RANBP2: variants seen among roughly 807,000 people sequenced by gnomAD.
The protein encoded by RANBP2 is E3 SUMO-protein ligase RanBP2.
Under a neutral mutation model 303.6 loss-of-function variants are expected in RANBP2, and 57 were observed. The ratio of observed to expected loss-of-function variants is 0.19; its 90% CI spans 0.15 to 0.23. RANBP2 has a LOEUF of 0.23. Among genes scored for constraint, RANBP2 ranks in the 10% least tolerant of loss-of-function variants. The pLI is 1.00. For missense variants in RANBP2, 3,138 were observed against 3,780.8 expected (o/e 0.83, Z 4.46); for synonymous variants, 1,167 against 1,301.5 (o/e 0.90, Z 2.23).
At position 108,772,511 on chromosome 2, in the gene RANBP2, C is replaced by A; in HGVS notation, c.8043C>A (p.Val2681=). ...EEDDEDFETA[V]KKLNGKLYLD... ...AAGATGAAGATTTCGAAACAGCTGT[C>A]AAGAAACTTAATGGAAAACTATATT... is the stretch of plus-strand genomic sequence containing the variant. The change falls in exon 22 of 29, where the codon GTC becomes GTA. Residue 2681 remains valine (V), a synonymous_variant. Coordinates refer to ENST00000283195, the MANE Select transcript of RANBP2 (RefSeq NM_006267.5). The A allele has an allele frequency of 1.2e-6, 2 of 1,613,404 alleles. No homozygotes were observed. Among genetic ancestry groups the A allele is most frequent in the South Asian group, 2.2e-5 (2 of 90,966 alleles).
the RANBP2 span, among the ~76,000 whole-genome samples, chr2:109,082,894 C>T: frequency 1.4e-5 from 2 of 147,178 alleles, no homozygotes; most frequent in Non-Finnish European, 3.0e-5. Context: ...GGCGCCATCT[C>T]AGCTCACTGC....
At chr2:109,047,747 T>C in the RANBP2 span, among the ~76,000 whole-genome samples, 2 of 152,012 alleles carry the variant, frequency 1.3e-5, no homozygotes, top group Non-Finnish European at 2.9e-5. Context: ...GAGGTGGAGG[T>C]GTAGTGAGCT....
the RANBP2 span, among the ~76,000 whole-genome samples, chr2:109,504,828 T>C: frequency 6.6e-6 from 1 of 151,816 alleles, no homozygotes; most frequent in African/African-American, 2.4e-5. Flanking sequence ...GATGGGAGAG[T>C]CGTGACATCA....
At chr2:109,443,873 A>G in the RANBP2 span, among the ~76,000 whole-genome samples, 5 of 152,274 alleles carry the variant, frequency 3.3e-5, no homozygotes, top group Non-Finnish European at 7.3e-5. Context: ...CATTAGAACA[A>G]CAGTATAATC....
the RANBP2 span, among the ~76,000 whole-genome samples, chr2:108,893,157 T>C: frequency 4.9e-3 from 747 of 152,328 alleles, 8 homozygotes; most frequent in African/African-American, 0.016. Context: ...TCATGCAAAC[T>C]GGGATTCTCA....
the RANBP2 span, among the ~76,000 whole-genome samples, chr2:109,655,521 G>C: frequency 2.0e-5 from 3 of 152,184 alleles, no homozygotes; most frequent in Non-Finnish European, 4.4e-5. Flanking sequence ...TGGAGGGGCA[G>C]AGACTGGGGA....
chr2:109,564,867 A>G, the RANBP2 span, among the ~76,000 whole-genome samples: 4 of 152,226 alleles, frequency 2.6e-5, no homozygotes, highest in Non-Finnish European at 5.9e-5. Context: ...CAGTTTACAA[A>G]CTATCCTGAA....
At chr2:109,286,405 C>T in the RANBP2 span, among the ~76,000 whole-genome samples, 2 of 152,300 alleles carry the variant, frequency 1.3e-5, no homozygotes, top group Admixed American at 6.5e-5. Flanking sequence ...AACCTGGAGG[C>T]CCAGAGGGGC....
chr2:109,570,684 G>A, the RANBP2 span, among the ~76,000 whole-genome samples: 2 of 152,006 alleles, frequency 1.3e-5, no homozygotes, highest in African/African-American at 4.8e-5. Context: ...ACCATGCCCA[G>A]CTAATTTTTT....
the RANBP2 span, among the ~76,000 whole-genome samples, chr2:109,644,179 C>T: frequency 4.6e-5 from 7 of 151,150 alleles, no homozygotes; most frequent in African/African-American, 9.7e-5. Flanking sequence ...TGGTGGTGCA[C>T]GCCTGTAGTC....
At chr2:109,520,053 CATG>C in the RANBP2 span, among the ~76,000 whole-genome samples, 3 of 152,158 alleles carry the variant, frequency 2.0e-5, no homozygotes, top group African/African-American at 4.8e-5. Flanking sequence ...TGCTTGTTAG[CATG>C]ATATCTGAGC....
the RANBP2 span, among the ~76,000 whole-genome samples, chr2:109,013,166 A>C: frequency 1.3e-5 from 2 of 152,146 alleles, no homozygotes; most frequent in East Asian, 3.9e-4. Flanking sequence ...TAATGACATC[A>C]ATTTCTCTCA....
the RANBP2 span, among the ~76,000 whole-genome samples, chr2:108,821,809 G>T: frequency 6.6e-6 from 1 of 151,864 alleles, no homozygotes; most frequent in African/African-American, 2.4e-5. Context: ...GCCGGGCGTA[G>T]TGGTGGGTGC....
chr2:109,542,699 G>C, the RANBP2 span, among the ~76,000 whole-genome samples: 5 of 152,186 alleles, frequency 3.3e-5, no homozygotes, highest in African/African-American at 1.2e-4. Context: ...TTCTGAGCTT[G>C]TTCTATGACA....
At chr2:109,501,294 C>T in the RANBP2 span, among the ~76,000 whole-genome samples, 2 of 152,098 alleles carry the variant, frequency 1.3e-5, no homozygotes, top group Middle Eastern at 6.8e-3. Flanking sequence ...AAAAGGACAG[C>T]AGGGGGAAAT....
the RANBP2 span, among the ~76,000 whole-genome samples, chr2:109,343,100 A>G: frequency 6.6e-6 from 1 of 151,842 alleles, no homozygotes; most frequent in African/African-American, 2.4e-5. Flanking sequence ...GCAGCTGCCC[A>G]CCCTCCTGGG....
At chr2:109,375,897 G>A in the RANBP2 span, among the ~76,000 whole-genome samples, 1 of 152,250 alleles carries the variant, frequency 6.6e-6, no homozygotes, top group Non-Finnish European at 1.5e-5. Context: ...CTTCAGAGCA[G>A]ACCTGGCTGG....
At chr2:108,971,519 C>T in the RANBP2 span, among the ~76,000 whole-genome samples, 2 of 152,146 alleles carry the variant, frequency 1.3e-5, no homozygotes, top group Non-Finnish European at 2.9e-5. Flanking sequence ...CTTTTTGAAA[C>T]TCCCCAGGCA....
At chr2:109,402,938 A>G in the RANBP2 span, among the ~76,000 whole-genome samples, 1 of 151,784 alleles carries the variant, frequency 6.6e-6, no homozygotes, top group South Asian at 2.1e-4. Context: ...TGGAGTGGAG[A>G]TGGGCTGCTT....
Sources: gnomAD v4.1 joint callset for allele counts (sites outside exome capture counted in the v4.1 genomes callset) on GRCh38, gnomAD v4.1.1 for gene constraint, MANE v1.5 for transcripts, NCBI Gene and HGNC (gene_info 2026-07-23, HGNC 2026-07-21) for gene names.